BCOR: variants seen among roughly 807,000 people sequenced by gnomAD.
The protein encoded by BCOR is BCL-6 corepressor.
BCOR carries 10 observed loss-of-function variants against 86.7 expected under a neutral mutation model. The ratio of observed to expected loss-of-function variants is 0.12; its 90% CI spans 0.07 to 0.20. BCOR has a LOEUF of 0.20. BCOR is among the 10% of genes least tolerant of loss of function. The pLI is 1.00. For missense variants in BCOR, 1,259 were observed against 1,452.1 expected, an observed-to-expected ratio of 0.87 and a Z score of 2.16; for synonymous variants, 611 against 609.0, an observed-to-expected ratio of 1.00 and a Z score of -0.05.
chrX:40,100,463 T>A (rs1489580931), upstream of BCOR, among the ~76,000 whole-genome samples: 1 of 112,484 alleles, frequency 8.9e-6, no homozygotes, highest in Non-Finnish European at 1.9e-5. Flanking sequence ...CGAAGTCGCA[T>A]GTAAACGTCC....
chrX:40,126,870 GACAC>G (rs752002930), intron 1 of BCOR, among the ~76,000 whole-genome samples: 22 of 107,733 alleles, frequency 2.0e-4, no homozygotes, highest in African/African-American at 7.1e-4. Context: ...AGGAGGTTAG[GACAC>G]ACACACACAC....
At chrX:40,168,393 G>A (rs889669666) in intron 1 of BCOR, among the ~76,000 whole-genome samples, 3 of 112,659 alleles carry the variant, frequency 2.7e-5, no homozygotes, top group African/African-American at 9.7e-5. Context: ...AGCCTCGGCC[G>A]AGCTGGGGCC....
chrX:40,150,424 A>G (rs1938144993), intron 1 of BCOR, among the ~76,000 whole-genome samples: 1 of 112,546 alleles, frequency 8.9e-6, no homozygotes, highest in South Asian at 3.6e-4. Flanking sequence ...ATCAATAAGG[A>G]TTGAGTTGGA....
At chrX:40,090,024 T>C (rs1057072663) in intron 1 of BCOR, among the ~76,000 whole-genome samples, 3 of 111,621 alleles carry the variant, frequency 2.7e-5, no homozygotes, top group African/African-American at 9.8e-5. Context: ...GGGCCCAACA[T>C]CCCCTCCCCA....
intron 1 of BCOR, among the ~76,000 whole-genome samples, chrX:40,126,427 A>C (rs1937543303): frequency 9.2e-6 from 1 of 109,089 alleles, no homozygotes; most frequent in Admixed American, 9.9e-5. Context: ...TGGGTGCCTA[A>C]GGCAGGAGAA....
chrX:40,159,080 G>A (rs778905346), intron 1 of BCOR, among the ~76,000 whole-genome samples: 1 of 111,143 alleles, frequency 9.0e-6, no homozygotes, highest in African/African-American at 3.3e-5. Context: ...AATCAGTTCG[G>A]GGGGGAGGGG....
intron 11 of BCOR, 83 bp from the exon 12 acceptor site, chrX:40,055,596 C>A: frequency 2.8e-6 from 3 of 1,084,709 alleles, no homozygotes; most frequent in Non-Finnish European, 3.8e-6. Context: ...AAGCAACAGG[C>A]AAAGCTGGGC....
chrX:40,067,692 T>A (rs940710819), intron 6 of BCOR, among the ~76,000 whole-genome samples: 4 of 111,047 alleles, frequency 3.6e-5, no homozygotes, highest in African/African-American at 1.3e-4. Context: ...AAGGCAAACA[T>A]CCCAATTCCC....
intron 1 of BCOR, among the ~76,000 whole-genome samples, chrX:40,138,569 T>C (rs986341822): frequency 9.0e-6 from 1 of 111,152 alleles, no homozygotes; most frequent in East Asian, 2.8e-4. Context: ...TATTTATTTA[T>C]TTTGAGACGG....
rs190780449 is a variant in BCOR at position 40,074,796 on chromosome X, C to T, written c.550G>A (p.Ala184Thr). The T allele has an allele frequency of 1.7e-6, 2 of 1,210,156 alleles. No homozygotes were observed. Among genetic ancestry groups the T allele is most frequent in the East Asian group, 5.9e-5 (2 of 33,769 alleles). ...DKQSPLNING[A>T]SYLRLPWVNP... is the part of the protein sequence containing the mutation. ...ACCCAGGGCAGCCGCAGATAACTAG[C>T]ACCATTGATGTTGAGAGGGCTCTGT... Residue 184 changes from alanine (A) to threonine (T), a missense_variant, in exon 4 of 15, where the codon GCT (alanine) becomes ACT (threonine). Physicochemically the swap from Ala to Thr is moderately conservative, Grantham distance 58. Transcript: ENST00000378444.
At chrX:40,077,202 A>G (rs1300384253) in intron 2 of BCOR, 1 of 142,582 alleles carries the variant, frequency 7.0e-6, no homozygotes, top group Non-Finnish European at 1.4e-5. Context: ...GTTATCAGAG[A>G]GCATCGATAA....
intron 1 of BCOR, among the ~76,000 whole-genome samples, chrX:40,151,918 G>T (rs979257976): frequency 7.1e-5 from 8 of 112,126 alleles, no homozygotes; most frequent in African/African-American, 2.6e-4. Flanking sequence ...TCCTTTCGAC[G>T]TGAGATCAAG....
At chrX:40,151,689 G>A (rs1340649680) in intron 1 of BCOR, among the ~76,000 whole-genome samples, 1 of 112,834 alleles carries the variant, frequency 8.9e-6, no homozygotes, top group Non-Finnish European at 1.9e-5. Flanking sequence ...ACGACTGAAC[G>A]GTTGCGATCT....
chrX:40,136,758 G>A (rs1474405358), intron 1 of BCOR, among the ~76,000 whole-genome samples: 4 of 111,526 alleles, frequency 3.6e-5, no homozygotes, highest in African/African-American at 1.3e-4. Flanking sequence ...CCTAATTTAC[G>A]TTCCTGTGTG....
At chrX:40,101,858 G>A (rs886813487), upstream of BCOR, among the ~76,000 whole-genome samples, 2 of 112,896 alleles carry the variant, frequency 1.8e-5, no homozygotes, top group Non-Finnish European at 3.7e-5. Context: ...ACTGGAACAG[G>A]TGGGACTCGG....
rs1199393094 is a variant in BCOR at position 40,127,911 on chromosome X, TA to T, written c.-41+49095del. 1.9e-3 allele frequency among the ~76,000 whole-genome samples: 166 copies of T among 86,502 alleles called. 1 individual carries two copies. The highest frequency in any genetic ancestry group is 5.0e-3 in the African/African-American group (121 of 24,090). 75.1% of individuals were successfully genotyped at this position (86,502 alleles called of 115,157 possible). A position where few individuals can be genotyped will look rare whatever the true frequency, so the allele number is the denominator to read the frequency against. ...AAATAAATAAATAAATAAATAAATT[TA>T]AAAAAAAAAGGCAGCAAGAATACTG... is the stretch of plus-strand genomic sequence containing the variant. On this transcript the variant is annotated intron_variant, in intron 1 of 14. Coordinates refer to the BCOR transcript ENST00000342274.
chrX:40,067,786 G>A (rs959355954), intron 6 of BCOR, among the ~76,000 whole-genome samples: 1 of 111,680 alleles, frequency 9.0e-6, no homozygotes, highest in Non-Finnish European at 1.9e-5. Flanking sequence ...CTTGACTGCC[G>A]AAGATACGTA....
At chrX:40,152,040 G>A (rs1321939887) in intron 1 of BCOR, among the ~76,000 whole-genome samples, 1 of 111,780 alleles carries the variant, frequency 8.9e-6, no homozygotes, top group Non-Finnish European at 1.9e-5. Context: ...GCGCTCGTGG[G>A]CACAGCTAGT....
At chrX:40,095,297 T>C (rs953958328) in intron 1 of BCOR, among the ~76,000 whole-genome samples, 1 of 111,894 alleles carries the variant, frequency 8.9e-6, no homozygotes, top group Non-Finnish European at 1.9e-5. Flanking sequence ...ACAGGAATCT[T>C]TGAGGCTGAC....
Sources: gnomAD v4.1 joint callset for allele counts (sites outside exome capture counted in the v4.1 genomes callset) on GRCh38, gnomAD v4.1.1 for gene constraint, MANE v1.5 for transcripts, NCBI Gene and HGNC (gene_info 2026-07-23, HGNC 2026-07-21) for gene names.